The following DPF3 variants were observed in gnomAD, a reference collection of about 807,000 sequenced individuals.
The protein encoded by DPF3 is zinc finger protein DPF3.
Under a neutral mutation model 56.8 loss-of-function variants are expected in DPF3, and 18 were observed. The observed-to-expected ratio is 0.32, with a 90% confidence interval of 0.22 to 0.47. The LOEUF (loss-of-function observed/expected upper bound fraction) is 0.47. Among genes scored for constraint, DPF3 ranks in the 20% least tolerant of loss-of-function variants. The pLI, the probability that DPF3 is intolerant of heterozygous loss-of-function variation, is 1.00. For missense variants in DPF3, 403 were observed against 488.8 expected, an observed-to-expected ratio of 0.82 and a Z score of 1.65; for synonymous variants, 188 against 180.2, an observed-to-expected ratio of 1.04 and a Z score of -0.35.
chr14:72,663,538 G>A (rs1008061981), intron 8 of DPF3, among the ~76,000 whole-genome samples: 2 of 152,214 alleles, frequency 1.3e-5, no homozygotes, highest in African/African-American at 4.8e-5. Flanking sequence ...ACACAGGTGG[G>A]CCCTTTTGCC....
chr14:72,884,953 T>TATATATATATATATATATAC lies in DPF3; in HGVS notation c.32+9103_32+9104insGTATATATATATATATATAT, dbSNP rs1316175906. On this transcript the variant is annotated intron_variant, in intron 1 of 10. Transcript: ENST00000556509. Reference sequence around the variant, plus strand: ...CTACTAAAAATACTATATATATATATATATATATATATATATATTAGCCGG... The same window carrying TATATATATATATATATATAC: ...CTACTAAAAATACTATATATATATATATATATATATATATATATACATATATATATATATATATTAGCCGG... Among the ~76,000 whole-genome samples the TATATATATATATATATATAC allele has an allele frequency of 1.6e-4, 12 of 73,780 alleles. No homozygotes were observed. The East Asian group carries it at 2.2e-3, about 13-fold the overall frequency. The allele number at this position is 73,780 out of a possible 152,430, so 48.4% of individuals were successfully genotyped here. A position where few individuals can be genotyped will look rare whatever the true frequency, so the allele number is the denominator to read the frequency against.
At chr14:72,873,082 TA>T (rs1885965696) in intron 1 of DPF3, among the ~76,000 whole-genome samples, 1 of 152,008 alleles carries the variant, frequency 6.6e-6, no homozygotes. Context: ...GGGATCTAAA[TA>T]AACTAAAGAG....
At chr14:72,837,471 C>T (rs1445785341) in intron 1 of DPF3, among the ~76,000 whole-genome samples, 6 of 152,016 alleles carry the variant, frequency 3.9e-5, no homozygotes, top group Non-Finnish European at 5.9e-5. Flanking sequence ...GGCGTGGTGG[C>T]TCACGCCTGT....
intron 7 of DPF3, among the ~76,000 whole-genome samples, chr14:72,691,511 G>A (rs182631544): frequency 2.5e-4 from 38 of 152,258 alleles, no homozygotes; most frequent in African/African-American, 8.2e-4. Context: ...GGCGGATCAC[G>A]AGGTCAAGAG....
chr14:72,746,832 G>T (rs767980476), intron 3 of DPF3, among the ~76,000 whole-genome samples: 2 of 152,204 alleles, frequency 1.3e-5, no homozygotes, highest in Non-Finnish European at 2.9e-5. Context: ...GATACAAGAC[G>T]CCATGTGCAG....
At chr14:72,770,039 T>C (rs1004072787) in intron 2 of DPF3, among the ~76,000 whole-genome samples, 1 of 152,160 alleles carries the variant, frequency 6.6e-6, no homozygotes, top group African/African-American at 2.4e-5. Flanking sequence ...TAGTCCTGGA[T>C]TGAATATTAA....
intron 2 of DPF3, among the ~76,000 whole-genome samples, chr14:72,766,889 C>T (rs1891309237): frequency 6.6e-6 from 1 of 152,206 alleles, no homozygotes; most frequent in South Asian, 2.1e-4. Context: ...CAGGAAAGGA[C>T]CAGCCTAGCA....
At chr14:72,771,701 C>T (rs1037166765) in intron 2 of DPF3, 32 bp downstream of exon 2, 3 of 1,592,804 alleles carry the variant, frequency 1.9e-6, no homozygotes, top group African/African-American at 2.7e-5. Context: ...GGAGCCTGCA[C>T]ATGCGCATGT....
chr14:72,770,442 G>A (rs568024762), intron 2 of DPF3, among the ~76,000 whole-genome samples: 15 of 152,336 alleles, frequency 9.8e-5, no homozygotes, highest in East Asian at 7.7e-4. Context: ...AAAAATGAAT[G>A]TTGGCCAAAT....
intron 8 of DPF3, among the ~76,000 whole-genome samples, chr14:72,632,847 AG>A: frequency 1.4e-5 from 1 of 69,410 alleles, no homozygotes; most frequent in Admixed American, 2.1e-4. Context: ...GGGAGAGGGG[AG>A]GGGGAAGGAC....
At chr14:72,732,363 C>A (rs1209798227) in intron 3 of DPF3, among the ~76,000 whole-genome samples, 1 of 152,222 alleles carries the variant, frequency 6.6e-6, no homozygotes, top group Non-Finnish European at 1.5e-5. Context: ...AAAACTCAAG[C>A]AATGCACAAT....
At chr14:72,751,569 T>C (rs1890576010) in intron 3 of DPF3, among the ~76,000 whole-genome samples, 2 of 152,340 alleles carry the variant, frequency 1.3e-5, no homozygotes, top group South Asian at 4.1e-4. Flanking sequence ...ACTAGCCACC[T>C]GTGGCTACTG....
In DPF3 at chr14:72,807,401, A is replaced by G. The variant is rs140334506; in HGVS notation, c.33-35508T>C. Among the ~76,000 whole-genome samples the G allele has an allele frequency of 7.7e-4, 118 of 152,280 alleles. 1 individual carries two copies. The highest frequency in any genetic ancestry group is 2.5e-3 in the African/African-American group (105 of 41,556). ...GCTCAATAAATACATTATTATTATT[A>G]TTACTATTATTGACAGGTTAAAGGC... On this transcript the variant is annotated intron_variant, in intron 1 of 10. Transcript: ENST00000556509.
chr14:72,735,290 C>A (rs1216504315), intron 3 of DPF3, among the ~76,000 whole-genome samples: 2 of 152,196 alleles, frequency 1.3e-5, no homozygotes. Context: ...ATACGATCAT[C>A]CCCGTGCAAT....
chr14:72,838,909 T>TATATATATA (rs1491369142), intron 1 of DPF3, among the ~76,000 whole-genome samples: 7 of 7,646 alleles, frequency 9.2e-4, no homozygotes, highest in Admixed American at 3.8e-3. Context: ...ATATATATTC[T>TATATATATA]TTTTTTTTTT....
chr14:72,855,689 G>C (rs1885146455), intron 1 of DPF3, among the ~76,000 whole-genome samples: 1 of 152,062 alleles, frequency 6.6e-6, no homozygotes, highest in Non-Finnish European at 1.5e-5. Flanking sequence ...CAACCTCAGA[G>C]TCCCACTGGC....
chr14:72,817,759 A>G, intron 1 of DPF3, among the ~76,000 whole-genome samples: 1 of 152,228 alleles, frequency 6.6e-6, no homozygotes, highest in Non-Finnish European at 1.5e-5. Context: ...TGATAGCTGA[A>G]TGGGGCTGGA....
At chr14:72,876,356 G>A (rs1886114121) in intron 1 of DPF3, among the ~76,000 whole-genome samples, 2 of 152,196 alleles carry the variant, frequency 1.3e-5, no homozygotes, top group Admixed American at 6.5e-5. Flanking sequence ...AGGGAAGACT[G>A]GAGACAGACA....
At chr14:72,642,988 G>A (rs1338104473) in intron 8 of DPF3, among the ~76,000 whole-genome samples, 1 of 152,200 alleles carries the variant, frequency 6.6e-6, no homozygotes, top group East Asian at 1.9e-4. Flanking sequence ...CCTGTGAGGT[G>A]GGCAGAACAG....
Sources: allele counts gnomAD v4.1 joint callset (sites outside exome capture counted in the v4.1 genomes callset), GRCh38; gene constraint gnomAD v4.1.1; transcripts MANE v1.5; gene names NCBI Gene and HGNC (gene_info 2026-07-23, HGNC 2026-07-21).